The following ARHGAP6 variants were observed in gnomAD, a reference collection of about 807,000 sequenced individuals.
ARHGAP6 encodes the protein Rho GTPase activating protein 6.
A neutral mutation model predicts 55.7 loss-of-function variants in ARHGAP6; 16 were observed. That is an observed-to-expected ratio of 0.29 (90% CI 0.19 to 0.44). ARHGAP6 has a LOEUF of 0.44. Among genes scored for constraint, ARHGAP6 ranks in the 20% least tolerant of loss-of-function variants. The pLI is 1.00. For synonymous variants in ARHGAP6, 382 were observed against 360.9 expected, an observed-to-expected ratio of 1.06 and a Z score of -0.66; for missense variants, 698 against 808.9, an observed-to-expected ratio of 0.86 and a Z score of 1.66.
intron 10 of ARHGAP6, among the ~76,000 whole-genome samples, chrX:11,155,170 A>T (rs2045845983): frequency 8.9e-6 from 1 of 112,714 alleles, no homozygotes; most frequent in Non-Finnish European, 1.9e-5. Flanking sequence ...ATAACTTTTT[A>T]AGTATCTGCA....
At chrX:11,233,347 G>A (rs2047159117) in intron 2 of ARHGAP6, among the ~76,000 whole-genome samples, 1 of 111,527 alleles carries the variant, frequency 9.0e-6, no homozygotes, top group South Asian at 3.7e-4. Context: ...CTGATGTCCT[G>A]CTAATGCGCA....
chrX:11,199,427 A>C (rs1169120530), intron 2 of ARHGAP6, among the ~76,000 whole-genome samples: 1 of 111,639 alleles, frequency 9.0e-6, no homozygotes, highest in Non-Finnish European at 1.9e-5. Flanking sequence ...GTCACCCAGC[A>C]ATGTGTGTTT....
chrX:11,389,562 T>C (rs1206808087), intron 1 of ARHGAP6, among the ~76,000 whole-genome samples: 2 of 112,601 alleles, frequency 1.8e-5, no homozygotes, highest in African/African-American at 6.4e-5. Context: ...GAGAGTCCTC[T>C]AAATGAAGAC....
At chrX:11,402,494 C>A (rs1302452190) in intron 1 of ARHGAP6, among the ~76,000 whole-genome samples, 2 of 110,716 alleles carry the variant, frequency 1.8e-5, no homozygotes, top group South Asian at 3.9e-4. Flanking sequence ...ACAGGGGTCA[C>A]CTCCCTTCTA....
intron 1 of ARHGAP6, among the ~76,000 whole-genome samples, chrX:11,389,272 T>C (rs1341015835): frequency 8.9e-6 from 1 of 112,132 alleles, no homozygotes; most frequent in Admixed American, 9.5e-5. Context: ...ACTAATACTC[T>C]CTATAATAAC....
intron 1 of ARHGAP6, among the ~76,000 whole-genome samples, chrX:11,498,857 A>C (rs759206946): frequency 6.2e-5 from 7 of 112,536 alleles, no homozygotes; most frequent in Non-Finnish European, 9.4e-5. Flanking sequence ...CCATGTTTTG[A>C]AACCATTTGG....
intron 1 of ARHGAP6, chrX:11,265,854 G>C (rs769431480): frequency 1.3e-5 from 12 of 952,861 alleles, no homozygotes; most frequent in Non-Finnish European, 1.6e-5. Context: ...TGGCATAGCT[G>C]TGACTCCCAC....
chrX:11,482,410 G>C (rs1213893938), intron 1 of ARHGAP6, among the ~76,000 whole-genome samples: 2 of 111,901 alleles, frequency 1.8e-5, no homozygotes, highest in Non-Finnish European at 3.8e-5. Context: ...CCGTTCTCAC[G>C]TAAGACCTCT....
intron 2 of ARHGAP6, among the ~76,000 whole-genome samples, chrX:11,209,594 TATA>T (rs958276354): frequency 8.0e-5 from 9 of 112,944 alleles, no homozygotes; most frequent in African/African-American, 2.9e-4. Flanking sequence ...AATTTTGTTT[TATA>T]ATGTGAAAAA....
chrX:11,406,795 C>G (rs1254007770), intron 1 of ARHGAP6, among the ~76,000 whole-genome samples: 1 of 111,175 alleles, frequency 9.0e-6, no homozygotes, highest in East Asian at 2.8e-4. Flanking sequence ...AAACTGTCAC[C>G]TACAAACTGC....
intron 1 of ARHGAP6, among the ~76,000 whole-genome samples, chrX:11,589,999 A>G (rs963342227): frequency 1.8e-5 from 2 of 111,764 alleles, no homozygotes; most frequent in African/African-American, 6.5e-5. Context: ...CCAGCCCTAT[A>G]GATGAAGACA....
At chrX:11,196,694 A>C (rs2046546032) in intron 3 of ARHGAP6, among the ~76,000 whole-genome samples, 1 of 111,438 alleles carries the variant, frequency 9.0e-6, no homozygotes, top group African/African-American at 3.3e-5. Context: ...TGGAACCACA[A>C]ACTTGGCCGA....
chrX:11,212,895 G>C (rs1320303332), intron 2 of ARHGAP6, among the ~76,000 whole-genome samples: 1 of 112,793 alleles, frequency 8.9e-6, no homozygotes, highest in Admixed American at 9.3e-5. Flanking sequence ...CCGGGTTCTT[G>C]CAAGAGCAGC....
chrX:11,231,733 A>G (rs1319708975), intron 2 of ARHGAP6, among the ~76,000 whole-genome samples: 1 of 112,320 alleles, frequency 8.9e-6, no homozygotes, highest in African/African-American at 3.2e-5. Context: ...AAGCTCTGAG[A>G]TGTCAAATTG....
chrX:11,568,736 G>A (rs989702765), intron 1 of ARHGAP6, among the ~76,000 whole-genome samples: 2 of 99,589 alleles, frequency 2.0e-5, no homozygotes, highest in East Asian at 3.1e-4. Flanking sequence ...CAGCCTGGGC[G>A]ACAAAGTGAG....
rs749461219 is a variant in ARHGAP6 at position 11,213,633 on chromosome X, T to C, written c.749-16637A>G. 2.7e-5 allele frequency among the ~76,000 whole-genome samples: 3 copies of C among 112,934 alleles called. No homozygotes were observed. The South Asian group carries it at 1.1e-3, about 41-fold the overall frequency. On this transcript the variant is annotated intron_variant, in intron 2 of 12. Coordinates refer to ENST00000337414, the MANE Select transcript of ARHGAP6 (RefSeq NM_013427.3). ...CGAATGGAACTATAGACCATTATTT[T>C]AAGTGAAACAAGTAAAACACAGACA...
intron 1 of ARHGAP6, among the ~76,000 whole-genome samples, chrX:11,468,307 A>T (rs775100589): frequency 2.7e-5 from 3 of 112,560 alleles, no homozygotes; most frequent in Admixed American, 9.4e-5. Context: ...TCAAAGGTAG[A>T]TTAAGCATAG....
rs2045570503 is a variant in ARHGAP6 at position 11,138,105 on chromosome X, T to C, written c.*758A>G. Reference sequence around the variant, plus strand: ...GATGTAACGTGGGACGGACAACTTCTTAATTTCTTTGTGAGGCACTGCCTT... The same window carrying C: ...GATGTAACGTGGGACGGACAACTTCCTAATTTCTTTGTGAGGCACTGCCTT... On this transcript the variant is annotated 3_prime_UTR_variant, in exon 13 of 13. Transcript: ENST00000337414. 1 of 112,382 alleles carries C rather than the reference T, an allele frequency of 8.9e-6. No homozygotes were observed. The highest frequency in any genetic ancestry group is 3.7e-4 in the South Asian group (1 of 2,735). 9.3% of individuals were successfully genotyped at this position (112,382 alleles called of 1,213,427 possible).
chrX:11,171,737 G>A (rs946382717), intron 8 of ARHGAP6, among the ~76,000 whole-genome samples: 1 of 111,466 alleles, frequency 9.0e-6, no homozygotes, highest in Non-Finnish European at 1.9e-5. Flanking sequence ...CTCGACACTA[G>A]TGACATGTAA....
Sources: gnomAD v4.1 joint callset for allele counts (sites outside exome capture counted in the v4.1 genomes callset) on GRCh38, gnomAD v4.1.1 for gene constraint, MANE v1.5 for transcripts, NCBI Gene and HGNC (gene_info 2026-07-23, HGNC 2026-07-21) for gene names.